The following MSH3 variants were observed in gnomAD, a reference collection of about 807,000 sequenced individuals.
MSH3 encodes the protein DNA mismatch repair protein Msh3.
Under a neutral mutation model 123.3 loss-of-function variants are expected in MSH3, and 106 were observed. That is an observed-to-expected ratio of 0.86 (90% confidence interval 0.73 to 1.01). The LOEUF (loss-of-function observed/expected upper bound fraction) is 1.01. Among genes scored for constraint, MSH3 ranks in the 50% least tolerant of loss-of-function variants. MSH3 has a pLI of 0.00. For synonymous variants in MSH3, 515 were observed against 481.4 expected, an observed-to-expected ratio of 1.07 and a Z score of -0.91; for missense variants, 1,459 against 1,347.6, an observed-to-expected ratio of 1.08 and a Z score of -1.29.
chr5:80,807,713 C>A (rs566030256), intron 19 of MSH3, among the ~76,000 whole-genome samples: 1 of 152,364 alleles, frequency 6.6e-6, no homozygotes, highest in East Asian at 1.9e-4. Context: ...ATTTTGGAGT[C>A]ATGGGTAGCC....
intron 8 of MSH3, among the ~76,000 whole-genome samples, chr5:80,713,149 CATTT>C (rs771882475): frequency 1.3e-5 from 2 of 152,108 alleles, no homozygotes; most frequent in Non-Finnish European, 2.9e-5. Flanking sequence ...GGTAAGCTGA[CATTT>C]GTTTGTTCAC....
chr5:80,709,570 T>C (rs554197320), intron 8 of MSH3, among the ~76,000 whole-genome samples: 1 of 152,018 alleles, frequency 6.6e-6, no homozygotes, highest in Admixed American at 6.6e-5. Flanking sequence ...TGCAGTGAGC[T>C]GAGATCACGT....
In MSH3 at chr5:80,873,113, C is replaced by T; in HGVS notation, c.3131-3C>T. ...GTTTTGATCTCCTTTCTTTATTTCA[C>T]AGGCGCAGCAGAACAAGTCCCTGAT... On this transcript the variant is annotated splice_polypyrimidine_tract_variant and splice_region_variant and intron_variant, in intron 22 of 23. Transcript: ENST00000265081. 1.2e-6 allele frequency: 2 copies of T among 1,612,226 alleles called. No individual in the cohort carries two copies. Among genetic ancestry groups the T allele is most frequent in the Non-Finnish European group, 8.5e-7 (1 of 1,178,424 alleles).
intron 2 of MSH3, among the ~76,000 whole-genome samples, chr5:80,664,892 AAAAC>A (rs1284781391): frequency 1.3e-5 from 2 of 152,114 alleles, no homozygotes; most frequent in Non-Finnish European, 2.9e-5. Context: ...AAAAAAAACA[AAAAC>A]AAAAAAGAAA....
chr5:80,846,175 T>C (rs1042709153), intron 20 of MSH3, among the ~76,000 whole-genome samples: 3 of 152,158 alleles, frequency 2.0e-5, no homozygotes, highest in African/African-American at 7.2e-5. Flanking sequence ...TGCAGGTCTG[T>C]TGGGGTTTGC....
At chr5:80,829,578 G>A (rs1261604231) in intron 20 of MSH3, among the ~76,000 whole-genome samples, 1 of 152,156 alleles carries the variant, frequency 6.6e-6, no homozygotes, top group Non-Finnish European at 1.5e-5. Context: ...GCACACTTAG[G>A]ATGAGTCCTA....
chr5:80,739,715 A>C (rs1743577621), intron 10 of MSH3, among the ~76,000 whole-genome samples: 1 of 152,260 alleles, frequency 6.6e-6, no homozygotes. Context: ...CAAACCTGTC[A>C]CAGATACATT....
intron 13 of MSH3, among the ~76,000 whole-genome samples, chr5:80,766,589 C>T (rs531778562): frequency 3.9e-4 from 60 of 152,082 alleles, no homozygotes; most frequent in Non-Finnish European, 6.8e-4. Flanking sequence ...GTGATCTGCC[C>T]GCCTCAGCCT....
chr5:80,692,223 TA>T (rs1750295278), intron 8 of MSH3, among the ~76,000 whole-genome samples: 1 of 54,084 alleles, frequency 1.8e-5, no homozygotes, highest in Admixed American at 2.3e-4. Flanking sequence ...TGTATATGTT[TA>T]GATAGATAAA....
intron 20 of MSH3, among the ~76,000 whole-genome samples, chr5:80,842,164 T>C (rs1356651313): frequency 1.3e-5 from 2 of 152,224 alleles, no homozygotes; most frequent in South Asian, 2.1e-4. Flanking sequence ...AAGTAGGGAA[T>C]CCTTTCCCCA....
intron 17 of MSH3, among the ~76,000 whole-genome samples, chr5:80,786,962 A>C (rs1355182092): frequency 6.6e-6 from 1 of 151,872 alleles, no homozygotes; most frequent in Admixed American, 6.5e-5. Flanking sequence ...TTTTATATGC[A>C]TTATTAATAA....
chr5:80,857,512 T>C (rs933406580), intron 21 of MSH3, among the ~76,000 whole-genome samples: 5 of 152,260 alleles, frequency 3.3e-5, no homozygotes, highest in African/African-American at 1.2e-4. Flanking sequence ...TGAAGCCATC[T>C]GGGCCTATGA....
intron 8 of MSH3, among the ~76,000 whole-genome samples, chr5:80,708,895 G>A (rs929904423): frequency 2.6e-5 from 4 of 151,736 alleles, no homozygotes; most frequent in African/African-American, 7.3e-5. Context: ...CTGCCTCACC[G>A]TCTCGAATAG....
At chr5:80,714,202 C>T (rs1394843535) in intron 8 of MSH3, among the ~76,000 whole-genome samples, 1 of 125,876 alleles carries the variant, frequency 7.9e-6, no homozygotes, top group East Asian at 2.5e-4. Context: ...GTGGTGCAAT[C>T]TTGGCTCACT....
At chr5:80,773,353 A>G (rs1370908549) in intron 15 of MSH3, among the ~76,000 whole-genome samples, 1 of 152,212 alleles carries the variant, frequency 6.6e-6, no homozygotes, top group Non-Finnish European at 1.5e-5. Flanking sequence ...TGGTTTTTCA[A>G]AAGTTACTTT....
intron 19 of MSH3, among the ~76,000 whole-genome samples, chr5:80,807,032 C>T: frequency 6.6e-6 from 1 of 151,544 alleles, no homozygotes; most frequent in East Asian, 1.9e-4. Flanking sequence ...GACCTCATCT[C>T]TACAAAAAAA....
intron 15 of MSH3, among the ~76,000 whole-genome samples, chr5:80,771,131 ATAAT>A (rs1167260509): frequency 6.6e-6 from 1 of 152,230 alleles, no homozygotes; most frequent in Non-Finnish European, 1.5e-5. Flanking sequence ...TTTGAAAAAA[ATAAT>A]TCTATTCATT....
intron 8 of MSH3, among the ~76,000 whole-genome samples, chr5:80,709,547 G>A (rs1199075256): frequency 6.6e-6 from 1 of 152,092 alleles, no homozygotes; most frequent in Non-Finnish European, 1.5e-5. Context: ...GTGTGAACCC[G>A]GGAGGCGGAG....
At chr5:80,786,358 G>A (rs1744509164) in intron 17 of MSH3, among the ~76,000 whole-genome samples, 2 of 152,134 alleles carry the variant, frequency 1.3e-5, no homozygotes, top group East Asian at 1.9e-4. Flanking sequence ...GTAAAACTTA[G>A]GTAATGAAGA....
Sources: allele counts gnomAD v4.1 joint callset (sites outside exome capture counted in the v4.1 genomes callset), GRCh38; gene constraint gnomAD v4.1.1; transcripts MANE v1.5; gene names NCBI Gene and HGNC (gene_info 2026-07-23, HGNC 2026-07-21).